DRC9: variants seen among roughly 807,000 people sequenced by gnomAD.
DRC9 encodes the protein dynein regulatory complex subunit 9.
chr3:197,950,877 G>C, the DRC9 span: 1 of 1,532,032 alleles, frequency 6.5e-7, no homozygotes, highest in South Asian at 1.1e-5. Context: ...AAACGAGAGG[G>C]GACGAGGTGG....
chr3:197,944,452 TA>T, the DRC9 span, among the ~76,000 whole-genome samples: 33 of 150,040 alleles, frequency 2.2e-4, no homozygotes, highest in African/African-American at 7.0e-4. Context: ...TATTTTATTT[TA>T]TTTTATTTTT....
chr3:197,912,031 A>G, the DRC9 span, among the ~76,000 whole-genome samples: 1 of 151,784 alleles, frequency 6.6e-6, no homozygotes, highest in Non-Finnish European at 1.5e-5. Context: ...TAATTTAAAA[A>G]TTATGTCTTT....
At chr3:197,945,765 A>G in the DRC9 span, 3 of 646,642 alleles carry the variant, frequency 4.6e-6, no homozygotes, top group Non-Finnish European at 8.2e-6. Flanking sequence ...CCATTTCATT[A>G]AGAGAAAATT....
the DRC9 span, among the ~76,000 whole-genome samples, chr3:197,932,663 A>AAATAAATG: frequency 1.4e-5 from 2 of 144,380 alleles, no homozygotes; most frequent in Non-Finnish European, 3.0e-5. Flanking sequence ...ATAAATAAAT[A>AAATAAATG]AATAAATAAT....
At chr3:197,893,212 CTGGG>C in the DRC9 span, among the ~76,000 whole-genome samples, 1 of 151,984 alleles carries the variant, frequency 6.6e-6, no homozygotes. Context: ...ACAAAATTAG[CTGGG>C]CATGGTGGCG....
At chr3:197,889,735 G>C in the DRC9 span, 3 of 1,613,956 alleles carry the variant, frequency 1.9e-6, no homozygotes, top group Admixed American at 1.7e-5. Context: ...AAAGGGGAGT[G>C]AGTACGACGT....
the DRC9 span, among the ~76,000 whole-genome samples, chr3:197,919,505 C>T: frequency 6.6e-6 from 1 of 152,178 alleles, no homozygotes; most frequent in East Asian, 1.9e-4. Flanking sequence ...GTGGTCAGGT[C>T]CATGGACTGA....
chr3:197,923,926 C>T, the DRC9 span, among the ~76,000 whole-genome samples: 4 of 148,592 alleles, frequency 2.7e-5, no homozygotes, highest in Admixed American at 2.7e-4. Flanking sequence ...CGCAGCCTGG[C>T]GTGGTGGCAC....
At chr3:197,922,580 C>A in the DRC9 span, among the ~76,000 whole-genome samples, 1 of 152,094 alleles carries the variant, frequency 6.6e-6, no homozygotes, top group Non-Finnish European at 1.5e-5. Flanking sequence ...GTGGCCTACA[C>A]CTGTAATCCC....
At chr3:197,938,842 G>T in the DRC9 span, 1 of 1,150,128 alleles carries the variant, frequency 8.7e-7, no homozygotes, top group Non-Finnish European at 1.3e-6. Context: ...CAAGAAAGAG[G>T]CCTTTGTGTA....
the DRC9 span, chr3:197,938,695 A>G: frequency 6.2e-7 from 1 of 1,614,138 alleles, no homozygotes; most frequent in Admixed American, 1.7e-5. Context: ...TTCCTCAGTT[A>G]TTAACGGACT....
the DRC9 span, chr3:197,912,750 C>G: frequency 6.2e-7 from 1 of 1,612,836 alleles, no homozygotes; most frequent in South Asian, 1.1e-5. Flanking sequence ...TCCTGAGTTT[C>G]TGTAAGAACA....
At chr3:197,906,987 A>G in the DRC9 span, among the ~76,000 whole-genome samples, 1 of 152,194 alleles carries the variant, frequency 6.6e-6, no homozygotes, top group Non-Finnish European at 1.5e-5. Context: ...CAGTGGCCAA[A>G]GGCATTCTGA....
chr3:197,947,585 C>A, the DRC9 span, among the ~76,000 whole-genome samples: 25 of 152,200 alleles, frequency 1.6e-4, no homozygotes, highest in African/African-American at 6.0e-4. Context: ...CTTCCCTCAC[C>A]TTTTCACCGT....
the DRC9 span, chr3:197,932,045 A>G: frequency 5.0e-6 from 5 of 995,828 alleles, no homozygotes; most frequent in South Asian, 1.6e-5. Flanking sequence ...AGAAAACCCA[A>G]ATTCTGACTT....
At chr3:197,960,001 T>G in the DRC9 span, 1 of 559,706 alleles carries the variant, frequency 1.8e-6, no homozygotes, top group Non-Finnish European at 3.2e-6. Flanking sequence ...TAGCCTTTCT[T>G]CCTCCCACAG....
chr3:197,953,340 T>TA, the DRC9 span: 1 of 430,804 alleles, frequency 2.3e-6, no homozygotes, highest in Middle Eastern at 3.4e-4. Flanking sequence ...TGGGCCACTG[T>TA]ACTGCAGCCT....
At chr3:197,924,790 T>C in the DRC9 span, among the ~76,000 whole-genome samples, 1 of 152,132 alleles carries the variant, frequency 6.6e-6, no homozygotes, top group African/African-American at 2.4e-5. Flanking sequence ...AGTGCTGGGA[T>C]TATAGGCGTG....
the DRC9 span, among the ~76,000 whole-genome samples, chr3:197,932,957 T>TTATTATATATTATATTATA: frequency 1.2e-3 from 165 of 135,426 alleles, 1 homozygote; most frequent in African/African-American, 4.2e-3. Flanking sequence ...ATATTATATA[T>TTATTATATATTATATTATA]TATTATATAT....
Sources: allele counts gnomAD v4.1 joint callset (sites outside exome capture counted in the v4.1 genomes callset), GRCh38; gene constraint gnomAD v4.1.1; transcripts MANE v1.5; gene names NCBI Gene and HGNC (gene_info 2026-07-23, HGNC 2026-07-21).